The following NEMF variants were observed in gnomAD, a reference collection of about 807,000 sequenced individuals.
NEMF encodes the protein ribosome quality control complex subunit NEMF.
A neutral mutation model predicts 162.2 loss-of-function variants in NEMF; 89 were observed. That is an observed-to-expected ratio of 0.55 (90% confidence interval 0.46 to 0.65). The LOEUF (loss-of-function observed/expected upper bound fraction) is 0.65, where lower values mean the gene tolerates loss of function less well. Ranked by LOEUF, NEMF falls within the 30% of genes least tolerant of loss-of-function variation. The pLI is 0.00. For missense variants in NEMF, 1,133 were observed against 1,261.9 expected (o/e 0.90, Z 1.55); for synonymous variants, 421 against 404.5 (o/e 1.04, Z -0.49).
chr14:49,836,920 G>A (rs1381091902), intron 6 of NEMF, among the ~76,000 whole-genome samples: 1 of 152,140 alleles, frequency 6.6e-6, no homozygotes, highest in Non-Finnish European at 1.5e-5. Flanking sequence ...ATTCTGTATA[G>A]CTGTCACATA....
At chr14:49,790,889 A>C (rs1890408718) in intron 26 of NEMF, among the ~76,000 whole-genome samples, 1 of 152,100 alleles carries the variant, frequency 6.6e-6, no homozygotes, top group Non-Finnish European at 1.5e-5. Flanking sequence ...GCTACTTGGG[A>C]GTCTGAGGTA....
At chr14:49,805,499 T>G (rs1191498871) in intron 19 of NEMF, among the ~76,000 whole-genome samples, 1 of 6,848 alleles carries the variant, frequency 1.5e-4, no homozygotes, top group Non-Finnish European at 3.2e-4. Flanking sequence ...CTCATCTCTA[T>G]AAAGAAAAAA....
Position 49,789,339 on chromosome 14 carries a change from G to A in NEMF, c.2702C>T (p.Ala901Val). The A allele has an allele frequency of 6.2e-7, 1 of 1,613,910 alleles. No homozygotes were observed. Among genetic ancestry groups the A allele is most frequent in the Non-Finnish European group, 8.5e-7 (1 of 1,179,904 alleles). Reference sequence around the variant, plus strand: ...CCCTTTTTCTTCTTTGTTTGAACCTGCAGACTTTAATTCATAGAGGAAACA... The same window carrying A: ...CCCTTTTTCTTCTTTGTTTGAACCTACAGACTTTAATTCATAGAGGAAACA... ...RELIMKLLGS[A>V]GSNKEEKGKK... Residue 901 changes from alanine to valine, a missense_variant, in exon 28 of 33, where the codon GCA becomes GTA. Ala to Val is a moderately conservative substitution (Grantham distance 64). Around this residue, in one of 3 missense-constraint regions of NEMF, gnomAD observed 532 missense variants for 578.6 expected, o/e 0.92. Coordinates refer to ENST00000298310, the MANE Select transcript of NEMF (RefSeq NM_004713.6).
intron 3 of NEMF, among the ~76,000 whole-genome samples, 172 bp downstream of exon 3, chr14:49,851,391 G>A (rs1425977003): frequency 1.3e-5 from 2 of 152,148 alleles, no homozygotes; most frequent in African/African-American, 4.8e-5. Context: ...AAAGGTAATG[G>A]GGAGAAATCA....
intron 4 of NEMF, among the ~76,000 whole-genome samples, chr14:49,845,573 C>T (rs1039212145): frequency 9.2e-5 from 14 of 152,198 alleles, no homozygotes; most frequent in Middle Eastern, 3.4e-3. Context: ...TACAGCTGTA[C>T]AATACTTTCT....
chr14:49,802,269 CTAGAAT>C (rs1890990402), intron 22 of NEMF, among the ~76,000 whole-genome samples, 178 bp downstream of exon 22: 1 of 150,826 alleles, frequency 6.6e-6, no homozygotes, highest in African/African-American at 2.4e-5. Flanking sequence ...TTTAAATTCA[CTAGAAT>C]AAGTATATTT....
At chr14:49,833,035 G>A (rs751850615) in intron 8 of NEMF, among the ~76,000 whole-genome samples, 1 of 152,172 alleles carries the variant, frequency 6.6e-6, no homozygotes, top group Admixed American at 6.5e-5. Flanking sequence ...GGAGGCCAAG[G>A]CAGGCGGATC....
chr14:49,843,922 A>T lies in NEMF; in HGVS notation c.357+2218T>A, dbSNP rs2140017775. 2.0e-5 allele frequency among the ~76,000 whole-genome samples: 3 copies of T among 152,292 alleles called. 1 individual carries two copies. The South Asian group carries it at 6.2e-4, about 32-fold the overall frequency. ...GAGAACAGTCTGGCCAATATGGTGA[A>T]ACCCCATCTCTACTAAAAATACAAA... On this transcript the variant is annotated intron_variant, in intron 4 of 32. Transcript: ENST00000298310.
intron 20 of NEMF, among the ~76,000 whole-genome samples, chr14:49,802,951 C>G (rs997673649): frequency 6.6e-6 from 1 of 152,160 alleles, no homozygotes; most frequent in Non-Finnish European, 1.5e-5. Context: ...CTGGGTCAGT[C>G]AGACCCTGAA....
At chr14:49,851,481 AAC>A in intron 3 of NEMF, 80 bp downstream of exon 3, 1 of 901,938 alleles carries the variant, frequency 1.1e-6, no homozygotes, top group Non-Finnish European at 1.8e-6. Context: ...CTTTATTCGT[AAC>A]AGTGAAGGAA....
intron 3 of NEMF, among the ~76,000 whole-genome samples, chr14:49,848,261 T>C (rs1566714968): frequency 1.3e-5 from 2 of 152,180 alleles, no homozygotes; most frequent in East Asian, 1.9e-4. Flanking sequence ...ATGTAATAAC[T>C]CTCATTCTTT....
intron 18 of NEMF, among the ~76,000 whole-genome samples, chr14:49,810,153 G>A (rs1440020808): frequency 6.6e-6 from 1 of 152,046 alleles, no homozygotes; most frequent in African/African-American, 2.4e-5. Context: ...CGGATCACAA[G>A]GTCAAGAGAT....
Position 49,789,280 on chromosome 14 carries a change from G to A in NEMF, c.2761C>T (p.Pro921Ser), listed in dbSNP as rs1311540542. 1 of 1,613,984 alleles carries A rather than the reference G, an allele frequency of 6.2e-7. No individual in the cohort carries two copies. The highest frequency in any genetic ancestry group is 8.5e-7 in the Non-Finnish European group (1 of 1,180,018). The change falls in exon 28 of 33, where the codon CCT becomes TCT. Residue 921 changes from proline to serine, a missense_variant. Transcript: ENST00000298310. ...GGTTTCTGGGGCTGTTTCTTCACAGGTTCGTCCTTTGTTTTTCCTTTCTTC... is the reference window on the plus strand; with the variant it reads ...GGTTTCTGGGGCTGTTTCTTCACAGATTCGTCCTTTGTTTTTCCTTTCTTC... ...KGKKGKTKDE[P>S]VKKQPQKPRG... is the part of the protein sequence containing the mutation.
chr14:49,802,755 T>G, intron 20 of NEMF, 28 bp from the exon 21 acceptor site: 3 of 1,554,294 alleles, frequency 1.9e-6, no homozygotes, highest in Non-Finnish European at 2.6e-6. Context: ...CATTAATGCT[T>G]TGAAAATCAG....
chr14:49,828,691 A>C lies in NEMF; in HGVS notation c.1349T>G (p.Leu450Arg). 1 of 1,605,842 alleles carries C rather than the reference A, an allele frequency of 6.2e-7. No individual in the cohort carries two copies. Among genetic ancestry groups the C allele is most frequent in the Non-Finnish European group, 8.5e-7 (1 of 1,177,936 alleles). ...GKKKKQKNKQ[L>R]QKPQKNKPLL... ...GGGCTTATTTTTCTGAGGCTTCTGC[A>C]GCTGTTTATTCTTTTGTTTTTTCTT... is the stretch of plus-strand genomic sequence containing the variant. Residue 450 changes from leucine to arginine, a missense_variant, in exon 14 of 33, where the codon CTG (leucine) becomes CGG (arginine). Transcript: ENST00000298310.
chr14:49,789,701 TAAAC>T, intron 26 of NEMF, 128 bp from the exon 27 acceptor site: 11 of 1,302,230 alleles, frequency 8.4e-6, no homozygotes, highest in Non-Finnish European at 1.1e-5. Context: ...ACCATTATAA[TAAAC>T]AATATGAAGG....
chr14:49,828,329 C>G lies in NEMF; in HGVS notation c.1450G>C (p.Ala484Pro). ...KKYYDHKRYA[A>P]KKTQKTVEAA... ...TCAACAGTCTTTTGTGTTTTCTTAGCAGCATATCTCTTGTGATCATAATAC... is the reference window on the plus strand; with the variant it reads ...TCAACAGTCTTTTGTGTTTTCTTAGGAGCATATCTCTTGTGATCATAATAC... Residue 484 changes from alanine to proline, a missense_variant, in exon 15 of 33, where the codon GCT (alanine) becomes CCT (proline). Physicochemically the swap from Ala to Pro is conservative, Grantham distance 27 (BLOSUM62 -1). Around this residue, in one of 3 missense-constraint regions of NEMF, gnomAD observed 582 missense variants for 631.5 expected, o/e 0.92. Transcript: ENST00000298310. 1.2e-6 allele frequency: 2 copies of G among 1,600,900 alleles called. No individual in the cohort carries two copies. The highest frequency in any genetic ancestry group is 1.7e-6 in the Non-Finnish European group (2 of 1,170,980).
chr14:49,840,287 C>T (rs554244446), intron 5 of NEMF, among the ~76,000 whole-genome samples: 4 of 152,264 alleles, frequency 2.6e-5, no homozygotes, highest in Non-Finnish European at 5.9e-5. Context: ...CATGTTGAAA[C>T]CCCATCTCTA....
At chr14:49,843,605 G>GT (rs1893322039) in intron 4 of NEMF, among the ~76,000 whole-genome samples, 1 of 152,206 alleles carries the variant, frequency 6.6e-6, no homozygotes, top group Non-Finnish European at 1.5e-5. Context: ...TCGTGTGAAC[G>GT]TAATAGAGTA....
Sources: gnomAD v4.1 joint callset for allele counts (sites outside exome capture counted in the v4.1 genomes callset) on GRCh38, gnomAD v4.1.1 for gene constraint, gnomAD v4.1.1 regional missense constraint, MANE v1.5 for transcripts, NCBI Gene and HGNC (gene_info 2026-07-23, HGNC 2026-07-21) for gene names.